Variants in CAMTA1 observed in about 807,000 individuals in gnomAD.
The protein encoded by CAMTA1 is calmodulin binding transcription activator 1.
CAMTA1 carries 27 observed loss-of-function variants against 170.9 expected under a neutral mutation model. The observed-to-expected ratio is 0.16, with a 90% CI of 0.12 to 0.22. The LOEUF (loss-of-function observed/expected upper bound fraction) is 0.22. Among genes scored for constraint, CAMTA1 ranks in the 10% least tolerant of loss-of-function variants. The probability of loss-of-function intolerance (pLI) is 1.00; values close to 1 mark genes in which losing one functional copy is unlikely to be tolerated. For missense variants in CAMTA1, 1,619 were observed against 2,217.2 expected (o/e 0.73, Z 5.42); for synonymous variants, 833 against 891.5 (o/e 0.93, Z 1.17).
intron 6 of CAMTA1, among the ~76,000 whole-genome samples, chr1:7,538,180 C>T (rs762771279): frequency 2.6e-5 from 4 of 152,164 alleles, no homozygotes; most frequent in Non-Finnish European, 5.9e-5. Context: ...CTCCATAGTG[C>T]GAGTACTCCC....
intron 4 of CAMTA1, among the ~76,000 whole-genome samples, chr1:7,091,790 T>C (rs1163018706): frequency 6.6e-6 from 1 of 152,246 alleles, no homozygotes; most frequent in Non-Finnish European, 1.5e-5. Flanking sequence ...AGTTCTTGAT[T>C]GGTGGTAAAG....
At chr1:7,707,994 A>G (rs1348470614) in intron 11 of CAMTA1, among the ~76,000 whole-genome samples, 1 of 152,224 alleles carries the variant, frequency 6.6e-6, no homozygotes, top group Non-Finnish European at 1.5e-5. Flanking sequence ...CAGTACAGCA[A>G]GTGACTCATT....
chr1:6,812,199 G>T (rs777850968), intron 1 of CAMTA1, among the ~76,000 whole-genome samples: 1 of 152,134 alleles, frequency 6.6e-6, no homozygotes, highest in Non-Finnish European at 1.5e-5. Flanking sequence ...GCATTATTAG[G>T]GAGAGAACCG....
At chr1:6,892,768 ATG>A (rs904592884) in intron 3 of CAMTA1, among the ~76,000 whole-genome samples, 1 of 151,958 alleles carries the variant, frequency 6.6e-6, no homozygotes, top group African/African-American at 2.4e-5. Flanking sequence ...TTTCTGAAAA[ATG>A]TGGGTTCAGA....
intron 1 of CAMTA1, among the ~76,000 whole-genome samples, chr1:6,789,885 G>A (rs1002841768): frequency 3.6e-5 from 5 of 138,476 alleles, no homozygotes; most frequent in African/African-American, 8.2e-5. Context: ...ATCTCGGTTC[G>A]TGCAACCTCT....
intron 5 of CAMTA1, among the ~76,000 whole-genome samples, chr1:7,349,980 C>G (rs2084530331): frequency 6.6e-6 from 1 of 152,152 alleles, no homozygotes; most frequent in Admixed American, 6.5e-5. Flanking sequence ...GATGGGGTCT[C>G]AGCTTGGGCT....
intron 3 of CAMTA1, among the ~76,000 whole-genome samples, chr1:6,913,720 A>G (rs1185961500): frequency 6.6e-6 from 1 of 152,036 alleles, no homozygotes; most frequent in Non-Finnish European, 1.5e-5. Flanking sequence ...GAAGGTCCTC[A>G]GGAGGGAGAT....
At chr1:6,936,960 C>G (rs538050115) in intron 3 of CAMTA1, among the ~76,000 whole-genome samples, 1 of 152,114 alleles carries the variant, frequency 6.6e-6, no homozygotes, top group South Asian at 2.1e-4. Flanking sequence ...TGCACTCCAG[C>G]CTGGGCGACA....
chr1:7,587,732 G>A lies in CAMTA1; in HGVS notation c.511-52668G>A, dbSNP rs141860825. Among the ~76,000 whole-genome samples the A allele has an allele frequency of 2.6e-4, 40 of 152,164 alleles. 1 individual carries two copies. The highest frequency in any genetic ancestry group is 9.4e-4 in the African/African-American group (39 of 41,442). On this transcript the variant is annotated intron_variant, in intron 6 of 22. Coordinates refer to ENST00000303635, the MANE Select transcript of CAMTA1 (RefSeq NM_015215.4). The stretch of plus-strand genomic sequence containing the variant: ...ACACCTGGGCTCCCCCGAGCGCCCA[G>A]CTTCTGCAGGAACCTCTCCTCCTGC...
At chr1:7,218,741 T>G (rs1441578612) in intron 4 of CAMTA1, among the ~76,000 whole-genome samples, 1 of 152,200 alleles carries the variant, frequency 6.6e-6, no homozygotes, top group Admixed American at 6.5e-5. Context: ...CTGCCTTCAT[T>G]GGCTTTTGGA....
At chr1:6,785,710 C>T (rs1007524420) in intron 1 of CAMTA1, 135 bp downstream of exon 1, 1 of 24,154 alleles carries the variant, frequency 4.1e-5, no homozygotes, top group East Asian at 1.1e-3. Flanking sequence ...GCGACCCGGC[C>T]GGGGAGGGGG....
intron 6 of CAMTA1, 43 bp downstream of exon 6, chr1:7,467,944 G>C: frequency 6.5e-7 from 1 of 1,542,988 alleles, no homozygotes. Context: ...TCTGGTGCTC[G>C]GGAAGGGTCT....
At chr1:6,944,396 C>G (rs566388719) in intron 3 of CAMTA1, among the ~76,000 whole-genome samples, 1 of 152,312 alleles carries the variant, frequency 6.6e-6, no homozygotes, top group Admixed American at 6.5e-5. Context: ...TTCCTGTTCT[C>G]TCAGTGGAGA....
At chr1:7,278,892 G>C (rs1416118085) in intron 5 of CAMTA1, among the ~76,000 whole-genome samples, 1 of 152,198 alleles carries the variant, frequency 6.6e-6, no homozygotes, top group South Asian at 2.1e-4. Context: ...TCTAAGATCT[G>C]AGAGCAGGAG....
chr1:7,721,491 T>G (rs2096649214), intron 11 of CAMTA1, among the ~76,000 whole-genome samples: 1 of 152,114 alleles, frequency 6.6e-6, no homozygotes, highest in Non-Finnish European at 1.5e-5. Context: ...TGAGCCACAC[T>G]CTGAAGAGTT....
intron 5 of CAMTA1, among the ~76,000 whole-genome samples, chr1:7,354,283 G>A (rs907720867): frequency 3.3e-5 from 5 of 152,014 alleles, no homozygotes; most frequent in Non-Finnish European, 5.9e-5. Flanking sequence ...CAAATAGCTG[G>A]GACTACAGGC....
chr1:7,381,518 G>T (rs1188988496), intron 5 of CAMTA1, among the ~76,000 whole-genome samples: 10 of 151,304 alleles, frequency 6.6e-5, no homozygotes, highest in African/African-American at 2.2e-4. Context: ...TATTCCATGG[G>T]GTATATGTGC....
At chr1:7,591,444 T>G (rs2095354518) in intron 6 of CAMTA1, among the ~76,000 whole-genome samples, 1 of 152,240 alleles carries the variant, frequency 6.6e-6, no homozygotes, top group African/African-American at 2.4e-5. Context: ...AGTCTGGAAT[T>G]TGTTAACAGA....
intron 5 of CAMTA1, among the ~76,000 whole-genome samples, chr1:7,367,135 T>C (rs1036060984): frequency 2.0e-5 from 3 of 151,642 alleles, no homozygotes; most frequent in Admixed American, 2.0e-4. Flanking sequence ...AGACGGGGAG[T>C]TGGCTGGGAC....
Sources: allele counts gnomAD v4.1 joint callset (sites outside exome capture counted in the v4.1 genomes callset), GRCh38; gene constraint gnomAD v4.1.1; transcripts MANE v1.5; gene names NCBI Gene and HGNC (gene_info 2026-07-23, HGNC 2026-07-21).